TAF2: variants seen among roughly 807,000 people sequenced by gnomAD.
TAF2 encodes transcription initiation factor TFIID subunit 2.
TAF2 carries 61 observed loss-of-function variants against 138.5 expected under a neutral mutation model. The observed-to-expected ratio is 0.44, with a 90% CI of 0.36 to 0.54. TAF2 has a LOEUF of 0.54. Ranked by LOEUF, TAF2 falls within the 20% of genes least tolerant of loss-of-function variation. The pLI, the probability that TAF2 is intolerant of heterozygous loss-of-function variation, is 0.00. For missense variants in TAF2, 1,090 were observed against 1,427.9 expected, an observed-to-expected ratio of 0.76 and a Z score of 3.81; for synonymous variants, 475 against 469.9, an observed-to-expected ratio of 1.01 and a Z score of -0.14.
chr8:119,747,743 T>G (rs1242947642), intron 22 of TAF2, among the ~76,000 whole-genome samples: 2 of 152,174 alleles, frequency 1.3e-5, no homozygotes, highest in Non-Finnish European at 2.9e-5. Context: ...GGTTACACAA[T>G]CTATATGGTT....
At chr8:119,808,247 A>C (rs1437497133) in intron 3 of TAF2, among the ~76,000 whole-genome samples, 2 of 152,248 alleles carry the variant, frequency 1.3e-5, no homozygotes, top group African/African-American at 2.4e-5. Context: ...AAACATTCAG[A>C]GCATCTTCAC....
At chr8:119,776,744 T>C (rs971222414) in intron 18 of TAF2, among the ~76,000 whole-genome samples, 4 of 152,172 alleles carry the variant, frequency 2.6e-5, no homozygotes, top group Non-Finnish European at 5.9e-5. Context: ...TCTTTGTATG[T>C]GCTGTTCCTT....
chr8:119,815,986 T>A (rs1825438341), intron 3 of TAF2, among the ~76,000 whole-genome samples: 1 of 152,128 alleles, frequency 6.6e-6, no homozygotes, highest in Non-Finnish European at 1.5e-5. Flanking sequence ...CTTATCCAAG[T>A]GTTTCTTTTC....
chr8:119,816,403 A>T (rs1313874262), intron 3 of TAF2, among the ~76,000 whole-genome samples: 3 of 152,092 alleles, frequency 2.0e-5, no homozygotes, highest in Admixed American at 6.5e-5. Flanking sequence ...ATGGCACCTT[A>T]ACTTTAAAAC....
At chr8:119,821,515 A>C (rs1825806821) in intron 2 of TAF2, among the ~76,000 whole-genome samples, 1 of 152,188 alleles carries the variant, frequency 6.6e-6, no homozygotes, top group Non-Finnish European at 1.5e-5. Flanking sequence ...GCATTCTCCT[A>C]GTTTCCACGA....
At chr8:119,777,613 G>T (rs553253544) in intron 18 of TAF2, among the ~76,000 whole-genome samples, 2 of 152,154 alleles carry the variant, frequency 1.3e-5, no homozygotes, top group South Asian at 2.1e-4. Flanking sequence ...AAAGAAAAAA[G>T]GTCAAATGAA....
chr8:119,756,083 G>A lies in TAF2; in HGVS notation c.2801C>T (p.Pro934Leu), dbSNP rs773739474. Residue 934 changes from proline to leucine, a missense_variant, in exon 22 of 26, where the codon CCA (proline) becomes CTA (leucine). Transcript: ENST00000378164. ...AGACTCCATGTTCTTAGTAAATGGT[G>A]GGTTCTTAGTCAACATGTTGAGAAT... ...HKILNMLTKNPPFTKNMESPL... is the reference protein window; with the variant it reads ...HKILNMLTKNLPFTKNMESPL... 1.2e-6 allele frequency: 2 copies of A among 1,613,424 alleles called. No individual in the cohort carries two copies. The highest frequency in any genetic ancestry group is 2.7e-5 in the African/African-American group (2 of 74,870).
chr8:119,791,554 C>T (rs1823432737), intron 10 of TAF2, 95 bp from the exon 11 acceptor site: 2 of 1,421,302 alleles, frequency 1.4e-6, no homozygotes, highest in South Asian at 2.5e-5. Flanking sequence ...CCCAAAAAAC[C>T]TCAGGAGAAT....
At chr8:119,782,658 T>A (rs1475750587) in intron 16 of TAF2, among the ~76,000 whole-genome samples, 3 of 152,238 alleles carry the variant, frequency 2.0e-5, no homozygotes, top group Non-Finnish European at 4.4e-5. Flanking sequence ...GACAAAGTTT[T>A]GTCTGCATTT....
chr8:119,801,372 T>A lies in TAF2; in HGVS notation c.792+422A>T, dbSNP rs561930087. Among the ~76,000 whole-genome samples, 15 of 152,170 alleles carry A rather than the reference T, an allele frequency of 9.9e-5. No individual in the cohort carries two copies. In the South Asian group the frequency reaches 3.1e-3, roughly 32 times the overall value. On this transcript the variant is annotated intron_variant, in intron 6 of 25. Coordinates refer to ENST00000378164, the MANE Select transcript of TAF2 (RefSeq NM_003184.4). ...ATATTAGATAAGGAAACATTTTCTC[T>A]CTAGTCATATTCTTGATAGTTGAAA... is the stretch of plus-strand genomic sequence containing the variant.
Position 119,793,458 on chromosome 8 carries a change from A to AT in TAF2, c.1192-8_1192-7insA, listed in dbSNP as rs1471378911. ...CCACTATTTTGTCTAGCTCCTAAAA[A>AT]ATATATAAAAATAGGAGTCAGTAAA... On this transcript the variant is annotated splice_region_variant and splice_polypyrimidine_tract_variant and intron_variant, in intron 9 of 25. Coordinates refer to ENST00000378164, the MANE Select transcript of TAF2 (RefSeq NM_003184.4). 23 of 1,604,210 alleles carry AT rather than the reference A, an allele frequency of 1.4e-5. No individual in the cohort carries two copies. Among genetic ancestry groups the AT allele is most frequent in the Non-Finnish European group, 1.9e-5 (22 of 1,172,392 alleles).
At chr8:119,785,886 A>G (rs570698826) in intron 14 of TAF2, among the ~76,000 whole-genome samples, 1 of 152,340 alleles carries the variant, frequency 6.6e-6, no homozygotes, top group Admixed American at 6.5e-5. Context: ...AGAGAAAAAA[A>G]CCTGAGAATA....
At chr8:119,785,403 A>G (rs1822947269) in intron 14 of TAF2, 137 bp from the exon 15 acceptor site, 3 of 639,098 alleles carry the variant, frequency 4.7e-6, no homozygotes, top group Non-Finnish European at 8.3e-6. Context: ...ATCAAATGTA[A>G]TAAAATTTAA....
chr8:119,817,489 T>C (rs1164040124), intron 3 of TAF2, among the ~76,000 whole-genome samples: 1 of 152,182 alleles, frequency 6.6e-6, no homozygotes, highest in Non-Finnish European at 1.5e-5. Context: ...GTGGAAAAAC[T>C]GTCTTCCAAG....
At position 119,806,285 on chromosome 8, in the gene TAF2, T is replaced by A; in HGVS notation, c.416A>T (p.Asp139Val). The change falls in exon 4 of 26, where the codon GAT becomes GTT. Residue 139 changes from aspartate to valine, a missense_variant and splice_region_variant. Coordinates refer to ENST00000378164, the MANE Select transcript of TAF2 (RefSeq NM_003184.4). The stretch of plus-strand genomic sequence containing the variant: ...TCAATATACTCTTGGTGCTTTACCA[T>A]CAACGTGTTTCCATAGCTCTGATGG... Reference protein sequence around the residue: ...KVPSELWKHVDELKVLKIHIN... With the variant: ...KVPSELWKHVVELKVLKIHIN... 6.2e-7 allele frequency: 1 copy of A among 1,612,802 alleles called. No individual in the cohort carries two copies. Among genetic ancestry groups the A allele is most frequent in the Non-Finnish European group, 8.5e-7 (1 of 1,178,836 alleles).
chr8:119,795,735 A>G lies in TAF2; in HGVS notation c.1092-104T>C, dbSNP rs1586460915. ...GTGTAGTGTGTATTTCCCTGCCTTCATAAAGAAAATGAAAATTATTAACAA... is the reference window on the plus strand; with the variant it reads ...GTGTAGTGTGTATTTCCCTGCCTTCGTAAAGAAAATGAAAATTATTAACAA... On this transcript the variant is annotated intron_variant, in intron 8 of 25. Coordinates refer to ENST00000378164, the MANE Select transcript of TAF2 (RefSeq NM_003184.4). 2.9e-6 allele frequency: 3 copies of G among 1,038,472 alleles called. No individual in the cohort carries two copies. In the East Asian group the frequency reaches 7.7e-5, roughly 27 times the overall value. The allele number at this position is 1,038,472 out of a possible 1,614,324, so 64.3% of individuals were successfully genotyped here. A position where few individuals can be genotyped will look rare whatever the true frequency, so the allele number is the denominator to read the frequency against.
At chr8:119,756,360 A>G (rs1202576994) in intron 21 of TAF2, among the ~76,000 whole-genome samples, 1 of 152,148 alleles carries the variant, frequency 6.6e-6, no homozygotes, top group East Asian at 1.9e-4. Context: ...TAATTAAAAA[A>G]AAATTCTGGT....
At chr8:119,826,782 G>A (rs920062043) in intron 2 of TAF2, among the ~76,000 whole-genome samples, 10 of 151,972 alleles carry the variant, frequency 6.6e-5, no homozygotes, top group African/African-American at 1.4e-4. Context: ...TAGTAGAGAC[G>A]GGGTTTCACC....
intron 25 of TAF2, among the ~76,000 whole-genome samples, chr8:119,737,797 C>T (rs1010199172): frequency 2.0e-5 from 3 of 151,918 alleles, no homozygotes; most frequent in East Asian, 1.9e-4. Flanking sequence ...CGTGAGCCAC[C>T]GTGCCTGGCC....
Sources: gnomAD v4.1 joint callset for allele counts (sites outside exome capture counted in the v4.1 genomes callset) on GRCh38, gnomAD v4.1.1 for gene constraint, MANE v1.5 for transcripts, NCBI Gene and HGNC (gene_info 2026-07-23, HGNC 2026-07-21) for gene names.